Variants in XRCC6 observed in about 807,000 individuals in gnomAD.
The protein encoded by XRCC6 is DNA repair protein Ku70.
In XRCC6, 5 loss-of-function variants were observed where a neutral mutation model predicts 65.7. That is an observed-to-expected ratio of 0.08 (90% CI 0.04 to 0.16). XRCC6 has a LOEUF of 0.16. Ranked by LOEUF, XRCC6 falls within the 10% of genes least tolerant of loss-of-function variation. XRCC6 has a pLI of 1.00. For missense variants in XRCC6, 447 were observed against 738.1 expected (o/e 0.61, Z 4.57); for synonymous variants, 270 against 270.6 (o/e 1.00, Z 0.02).
chr22:41,650,166 G>A (rs1189735900), intron 7 of XRCC6, among the ~76,000 whole-genome samples: 1 of 150,780 alleles, frequency 6.6e-6, no homozygotes, highest in Non-Finnish European at 1.5e-5. Context: ...GTGCAGTGGC[G>A]CCATCTTGGC....
chr22:41,624,561 G>T (rs565246478), intron 2 of XRCC6, among the ~76,000 whole-genome samples: 1 of 150,318 alleles, frequency 6.7e-6, no homozygotes, highest in Non-Finnish European at 1.5e-5. Context: ...GGTGGCAGGC[G>T]CCTGTAGTCC....
chr22:41,623,006 C>T (rs1219254183), intron 2 of XRCC6, among the ~76,000 whole-genome samples: 1 of 151,892 alleles, frequency 6.6e-6, no homozygotes, highest in Non-Finnish European at 1.5e-5. Context: ...CTATAATCTA[C>T]CACTCTAACA....
chr22:41,632,576 A>G (rs1053179666), intron 3 of XRCC6, among the ~76,000 whole-genome samples: 1 of 152,046 alleles, frequency 6.6e-6, no homozygotes, highest in African/African-American at 2.4e-5. Flanking sequence ...ACGCCACTGC[A>G]CTCCATCCTG....
intron 9 of XRCC6, among the ~76,000 whole-genome samples, chr22:41,655,832 G>A (rs753888645): frequency 6.6e-6 from 1 of 151,704 alleles, no homozygotes; most frequent in South Asian, 2.1e-4. Flanking sequence ...CCAAAGTGCT[G>A]TGCTTACCGA....
intron 3 of XRCC6, among the ~76,000 whole-genome samples, chr22:41,630,121 T>G (rs2147072340): frequency 6.6e-6 from 1 of 151,798 alleles, no homozygotes; most frequent in East Asian, 1.9e-4. Context: ...GTAGGTGAGA[T>G]TACAGGCACG....
chr22:41,621,850 G>C, intron 1 of XRCC6, 140 bp from the exon 2 acceptor site: 1 of 736,692 alleles, frequency 1.4e-6, no homozygotes. Flanking sequence ...TCCGACTGCC[G>C]AGCTTTCGAG....
In XRCC6 at chr22:41,632,104, A is replaced by G. The variant is rs371803507; in HGVS notation, c.195+3874A>G. Among the ~76,000 whole-genome samples, 270 of 151,900 alleles carry G rather than the reference A, an allele frequency of 1.8e-3. 7 individuals are homozygous for G. The East Asian group carries it at 0.05, about 28-fold the overall frequency. On this transcript the variant is annotated intron_variant, in intron 3 of 12. Transcript: ENST00000360079. ...TACAGTCCAGCTTCGGCTCGGCATC[A>G]GAGGGAGACCGTGGAAAGAGAGGGA...
At chr22:41,637,841 C>G (rs1269109274) in intron 6 of XRCC6, 50 bp downstream of exon 6, 2 of 1,571,760 alleles carry the variant, frequency 1.3e-6, no homozygotes, top group Admixed American at 1.8e-5. Context: ...AAATCAGAAG[C>G]AGGCTGGGCG....
intron 3 of XRCC6, among the ~76,000 whole-genome samples, chr22:41,635,471 C>G (rs1480423291): frequency 6.6e-6 from 1 of 152,202 alleles, no homozygotes; most frequent in Non-Finnish European, 1.5e-5. Flanking sequence ...TAGGACTCAA[C>G]TCCAGGTTTT....
chr22:41,643,476 C>G (rs1006431036), intron 6 of XRCC6, among the ~76,000 whole-genome samples: 3 of 151,848 alleles, frequency 2.0e-5, no homozygotes, highest in Non-Finnish European at 4.4e-5. Context: ...TTAGCTGCAT[C>G]GTATACATTT....
chr22:41,639,393 G>C (rs1010250321), intron 6 of XRCC6, among the ~76,000 whole-genome samples: 5 of 131,514 alleles, frequency 3.8e-5, no homozygotes, highest in Non-Finnish European at 7.7e-5. Flanking sequence ...CCAGAGTGCA[G>C]TATGATCACA....
chr22:41,651,359 AGATTTTTTTT>A (rs2067992980), intron 8 of XRCC6, among the ~76,000 whole-genome samples: 1 of 120,460 alleles, frequency 8.3e-6, no homozygotes, highest in Non-Finnish European at 1.7e-5. Context: ...AAAGTTAAAC[AGATTTTTTTT>A]TTTTTTTTTT....
At chr22:41,635,945 T>C (rs1011882166) in intron 3 of XRCC6, among the ~76,000 whole-genome samples, 168 bp from the exon 4 acceptor site, 1 of 152,222 alleles carries the variant, frequency 6.6e-6, no homozygotes, top group Non-Finnish European at 1.5e-5. Context: ...ATTTGATATT[T>C]ATGCCCATTA....
intron 9 of XRCC6, among the ~76,000 whole-genome samples, chr22:41,654,255 GGCGTTCTGGA>G (rs2068025648): frequency 6.6e-6 from 1 of 152,112 alleles, no homozygotes; most frequent in South Asian, 2.1e-4. Context: ...TACAAAGATG[GGCGTTCTGGA>G]GCACCTTTCC....
chr22:41,621,939 AT>A, intron 1 of XRCC6, 50 bp from the exon 2 acceptor site: 1 of 1,570,188 alleles, frequency 6.4e-7, no homozygotes. Context: ...AGAGGTCGGT[AT>A]TTTTTCGATT....
At chr22:41,622,776 TA>T (rs57682350) in intron 2 of XRCC6, among the ~76,000 whole-genome samples, 14 of 148,276 alleles carry the variant, frequency 9.4e-5, no homozygotes, top group East Asian at 2.0e-4. Context: ...CCGTCTGTAC[TA>T]AAAAAAAAAT....
At chr22:41,631,050 C>T (rs1261576815) in intron 3 of XRCC6, among the ~76,000 whole-genome samples, 4 of 151,032 alleles carry the variant, frequency 2.6e-5, no homozygotes, top group South Asian at 2.1e-4. Context: ...CGGGCAGAGG[C>T]GCCCCTCACC....
chr22:41,660,511 A>G (rs2068089399), intron 11 of XRCC6, among the ~76,000 whole-genome samples: 1 of 152,036 alleles, frequency 6.6e-6, no homozygotes, highest in Admixed American at 6.6e-5. Flanking sequence ...TTCACCCTCC[A>G]TGCAGCTATC....
chr22:41,637,786 C>T lies in XRCC6; in HGVS notation c.768C>T (p.Leu256=), dbSNP rs2067825261. ...VRAKETRKRA[L]SRLKLKLNKD... ...CCAAGGAGACCAGGAAGCGAGCACTCAGCAGGTGTGCACTCAGCCCGGGTC... is the reference window on the plus strand; with the variant it reads ...CCAAGGAGACCAGGAAGCGAGCACTTAGCAGGTGTGCACTCAGCCCGGGTC... The change falls in exon 6 of 13, where the codon CTC becomes CTT. Residue 256 remains leucine, a synonymous_variant. Coordinates refer to ENST00000360079, the MANE Select transcript of XRCC6 (RefSeq NM_001469.5). 1 of 1,613,638 alleles carries T rather than the reference C, an allele frequency of 6.2e-7. No individual in the cohort carries two copies. Among genetic ancestry groups the T allele is most frequent in the Non-Finnish European group, 8.5e-7 (1 of 1,179,828 alleles).
Sources: allele counts gnomAD v4.1 joint callset (sites outside exome capture counted in the v4.1 genomes callset), GRCh38; gene constraint gnomAD v4.1.1; transcripts MANE v1.5; gene names NCBI Gene and HGNC (gene_info 2026-07-23, HGNC 2026-07-21).